CDK14: variants seen among roughly 807,000 people sequenced by gnomAD.
CDK14 encodes cyclin dependent kinase 14.
CDK14 carries 34 observed loss-of-function variants against 60.7 expected under a neutral mutation model. The observed-to-expected ratio is 0.56, with a 90% confidence interval of 0.43 to 0.75. The LOEUF is 0.75. Among genes scored for constraint, CDK14 ranks in the 30% least tolerant of loss-of-function variants. The pLI is 0.00. For synonymous variants in CDK14, 197 were observed against 203.7 expected, an observed-to-expected ratio of 0.97 and a Z score of 0.28; for missense variants, 482 against 564.1, an observed-to-expected ratio of 0.85 and a Z score of 1.47.
intron 4 of CDK14, among the ~76,000 whole-genome samples, chr7:90,777,527 C>G (rs10246807): frequency 0.44 from 66,172 of 151,992 alleles, 15,205 homozygotes; most frequent in East Asian, 0.82. Context: ...GATGCTAGGA[C>G]TTTACCCCAC....
intron 6 of CDK14, among the ~76,000 whole-genome samples, chr7:90,864,894 A>G (rs1791124953): frequency 6.6e-6 from 1 of 152,156 alleles, no homozygotes; most frequent in African/African-American, 2.4e-5. Flanking sequence ...ACTTAATAAT[A>G]TGGGCACATG....
intron 2 of CDK14, among the ~76,000 whole-genome samples, chr7:90,705,161 CCTTT>C (rs66535332): frequency 0.15 from 23,341 of 151,344 alleles, 1,878 homozygotes; most frequent in South Asian, 0.18. Flanking sequence ...ATAATTTTTT[CCTTT>C]CTTTTAGACT....
intron 2 of CDK14, among the ~76,000 whole-genome samples, chr7:90,605,907 A>C (rs1408038378): frequency 1.3e-5 from 2 of 152,218 alleles, no homozygotes; most frequent in South Asian, 4.1e-4. Flanking sequence ...TTTAAAAAGC[A>C]CCTGAGGCTG....
At chr7:90,857,704 T>A (rs1584052188) in intron 5 of CDK14, among the ~76,000 whole-genome samples, 1 of 152,330 alleles carries the variant, frequency 6.6e-6, no homozygotes, top group African/African-American at 2.4e-5. Context: ...ACAGTGCTTG[T>A]CTTGATGAGG....
chr7:91,025,037 T>C (rs1356581044), intron 10 of CDK14, among the ~76,000 whole-genome samples: 5 of 152,182 alleles, frequency 3.3e-5, no homozygotes, highest in Non-Finnish European at 2.9e-5. Flanking sequence ...ATAAGTCTTT[T>C]GGTGTTTGCT....
At chr7:90,684,878 TA>T (rs777605297) in intron 2 of CDK14, among the ~76,000 whole-genome samples, 2 of 152,224 alleles carry the variant, frequency 1.3e-5, no homozygotes, top group Non-Finnish European at 2.9e-5. Flanking sequence ...ATTGTATTGC[TA>T]GGGGCAGTAA....
chr7:91,037,509 G>C (rs73230820), intron 10 of CDK14, among the ~76,000 whole-genome samples: 1 of 152,120 alleles, frequency 6.6e-6, no homozygotes, highest in African/African-American at 2.4e-5. Flanking sequence ...CTAGGGTGTG[G>C]TCAGGTGGAT....
At chr7:90,799,836 G>A (rs751676139) in intron 5 of CDK14, among the ~76,000 whole-genome samples, 5 of 151,674 alleles carry the variant, frequency 3.3e-5, no homozygotes, top group Non-Finnish European at 5.9e-5. Flanking sequence ...TTGTGTTATT[G>A]CCATTAAGTC....
At chr7:90,813,210 T>G (rs1789207689) in intron 5 of CDK14, among the ~76,000 whole-genome samples, 1 of 152,190 alleles carries the variant, frequency 6.6e-6, no homozygotes, top group Admixed American at 6.5e-5. Context: ...TCGCCCAGGC[T>G]GGAGTGCAGT....
chr7:90,783,357 G>C (rs990865825), intron 4 of CDK14, among the ~76,000 whole-genome samples: 1 of 151,966 alleles, frequency 6.6e-6, no homozygotes, highest in African/African-American at 2.4e-5. Context: ...TGCTTTGGTT[G>C]GTTGTACTTT....
intron 11 of CDK14, among the ~76,000 whole-genome samples, chr7:91,077,574 A>G (rs1798362354): frequency 6.6e-6 from 1 of 152,130 alleles, no homozygotes; most frequent in Non-Finnish European, 1.5e-5. Context: ...ACGGGTAGAT[A>G]GGTGCAGCAA....
chr7:90,750,676 C>T (rs1043142079), intron 4 of CDK14, among the ~76,000 whole-genome samples: 1 of 152,098 alleles, frequency 6.6e-6, no homozygotes, highest in Admixed American at 6.5e-5. Flanking sequence ...AGTTTGAAAC[C>T]AGCCTGGCCA....
At chr7:91,090,423 T>G (rs373829034) in intron 12 of CDK14, among the ~76,000 whole-genome samples, 3 of 152,196 alleles carry the variant, frequency 2.0e-5, no homozygotes, top group Non-Finnish European at 4.4e-5. Flanking sequence ...GGCTATTGAG[T>G]AATTTAAAAT....
chr7:91,178,348 C>T (rs1277196340), intron 14 of CDK14, among the ~76,000 whole-genome samples: 5 of 132,834 alleles, frequency 3.8e-5, no homozygotes, highest in East Asian at 2.0e-4. Context: ...GACCTAAAAC[C>T]ATAAAAACCC....
At chr7:90,935,444 T>C (rs753206688) in intron 8 of CDK14, among the ~76,000 whole-genome samples, 57 of 152,234 alleles carry the variant, frequency 3.7e-4, no homozygotes, top group Non-Finnish European at 6.8e-4. Context: ...TTTTTAAATA[T>C]ATCTTTACAT....
At chr7:90,823,664 C>T (rs986251370) in intron 5 of CDK14, among the ~76,000 whole-genome samples, 4 of 152,156 alleles carry the variant, frequency 2.6e-5, no homozygotes, top group Non-Finnish European at 5.9e-5. Flanking sequence ...TGGGCATCGG[C>T]ACTTAGTCAG....
intron 12 of CDK14, among the ~76,000 whole-genome samples, chr7:91,100,124 T>TA (rs1361919523): frequency 6.6e-6 from 1 of 152,160 alleles, no homozygotes; most frequent in Non-Finnish European, 1.5e-5. Flanking sequence ...ATAACTGAGA[T>TA]ACGAGTATAA....
rs554994150 is a variant in CDK14 at position 90,761,607 on chromosome 7, T to C, written c.464+13832T>C. On this transcript the variant is annotated intron_variant, in intron 4 of 14. Coordinates refer to ENST00000380050, the MANE Select transcript of CDK14 (RefSeq NM_001287135.2). ...GATAATTTTGTTTGCCAGGATATAT[T>C]TGTTGGTGTCTGGAGACATTTTTGG... Among the ~76,000 whole-genome samples the C allele has an allele frequency of 7.2e-5, 11 of 152,294 alleles. 1 individual carries two copies. The highest frequency in any genetic ancestry group is 2.6e-4 in the African/African-American group (11 of 41,562).
At chr7:91,192,097 A>G (rs1802380903) in intron 14 of CDK14, among the ~76,000 whole-genome samples, 1 of 152,318 alleles carries the variant, frequency 6.6e-6, no homozygotes, top group East Asian at 1.9e-4. Flanking sequence ...AAAGATAGCT[A>G]TCTCCTAGCA....
Sources: gnomAD v4.1 joint callset for allele counts (sites outside exome capture counted in the v4.1 genomes callset) on GRCh38, gnomAD v4.1.1 for gene constraint, MANE v1.5 for transcripts, NCBI Gene and HGNC (gene_info 2026-07-23, HGNC 2026-07-21) for gene names.